Variants in NFATC2 observed in about 807,000 individuals in gnomAD.
NFATC2 encodes the protein nuclear factor of activated T-cells, cytoplasmic 2.
NFATC2 carries 22 observed loss-of-function variants against 87.3 expected under a neutral mutation model. The observed-to-expected ratio is 0.25, with a 90% CI of 0.18 to 0.36. NFATC2 has a LOEUF of 0.36. Ranked by LOEUF, NFATC2 falls within the 10% of genes least tolerant of loss-of-function variation. The pLI, the probability that NFATC2 is intolerant of heterozygous loss-of-function variation, is 1.00. For missense variants in NFATC2, 1,149 were observed against 1,259.1 expected (o/e 0.91, Z 1.32); for synonymous variants, 565 against 542.2 (o/e 1.04, Z -0.58).
At chr20:51,472,112 A>G (rs6021226) in intron 5 of NFATC2, among the ~76,000 whole-genome samples, 80,045 of 151,982 alleles carry the variant, frequency 0.53, 22,525 homozygotes, top group African/African-American at 0.73. Flanking sequence ...ACAATTAGCC[A>G]GGCGTGGTAG....
intron 5 of NFATC2, among the ~76,000 whole-genome samples, chr20:51,460,408 G>A (rs879194898): frequency 1.2e-4 from 18 of 152,158 alleles, no homozygotes; most frequent in Admixed American, 1.0e-3. Flanking sequence ...AGGTCATTAC[G>A]AGGATTAAAC....
At chr20:51,422,567 CTCTT>C (rs1981097228) in intron 9 of NFATC2, among the ~76,000 whole-genome samples, 1 of 51,462 alleles carries the variant, frequency 1.9e-5, no homozygotes, top group Non-Finnish European at 3.9e-5. Context: ...AAGAAAACCC[CTCTT>C]TTTTTTTTTT....
At chr20:51,430,682 C>T (rs1400358905) in intron 9 of NFATC2, among the ~76,000 whole-genome samples, 2 of 152,136 alleles carry the variant, frequency 1.3e-5, no homozygotes, top group Non-Finnish European at 2.9e-5. Flanking sequence ...AGTCACAGAG[C>T]CCCCAGATAA....
chr20:51,475,956 G>A (rs978549723), intron 3 of NFATC2, among the ~76,000 whole-genome samples: 2 of 152,180 alleles, frequency 1.3e-5, no homozygotes, highest in African/African-American at 4.8e-5. Context: ...GACTGAGGGT[G>A]GAAGGAGTGT....
intron 1 of NFATC2, among the ~76,000 whole-genome samples, chr20:51,531,772 C>A (rs990040967): frequency 4.6e-5 from 7 of 152,226 alleles, no homozygotes; most frequent in African/African-American, 1.4e-4. Flanking sequence ...ATTGAAAGAA[C>A]AATCTTTTCG....
rs1273842876 is a variant in NFATC2 at position 51,540,649 on chromosome 20, TTTTTTTTTG to T, written c.130+1712_130+1720del. Among the ~76,000 whole-genome samples, 17 of 127,930 alleles carry T rather than the reference TTTTTTTTTG, an allele frequency of 1.3e-4. 1 individual carries two copies. The highest frequency in any genetic ancestry group is 4.9e-4 in the African/African-American group (14 of 28,810). The allele number at this position is 127,930 out of a possible 152,430, so 83.9% of individuals were successfully genotyped here. ...CTGAAACTGTTCCAAAAACTGAAGT[TTTTTTTTTG>T]TTTTTTTTTTTTTGAGAAAACAGAT... On this transcript the variant is annotated intron_variant, in intron 1 of 10. Transcript: ENST00000371564.
At chr20:51,504,214 G>A (rs1475452659) in intron 3 of NFATC2, among the ~76,000 whole-genome samples, 1 of 152,174 alleles carries the variant, frequency 6.6e-6, no homozygotes, top group Middle Eastern at 3.2e-3. Flanking sequence ...TAGAGATGGG[G>A]TTTCTCCATG....
At chr20:51,511,372 G>A (rs1042894482) in intron 3 of NFATC2, among the ~76,000 whole-genome samples, 1 of 152,222 alleles carries the variant, frequency 6.6e-6, no homozygotes, top group Non-Finnish European at 1.5e-5. Context: ...GTCCTTGCAA[G>A]TGGGTGCTTG....
At chr20:51,451,648 T>G (rs774266437) in intron 6 of NFATC2, among the ~76,000 whole-genome samples, 7 of 152,238 alleles carry the variant, frequency 4.6e-5, no homozygotes, top group African/African-American at 7.2e-5. Context: ...CAAAGCTTCA[T>G]CTGTGTTGAC....
chr20:51,401,340 AAAT>A (rs1988021163), intron 9 of NFATC2, among the ~76,000 whole-genome samples: 1 of 151,652 alleles, frequency 6.6e-6, no homozygotes, highest in Non-Finnish European at 1.5e-5. Context: ...TGTCTCAAAA[AAAT>A]AAAAATAAAT....
Position 51,542,366 on chromosome 20 carries a change from C to A in NFATC2, c.130+4G>T. 1.2e-6 allele frequency: 2 copies of A among 1,605,060 alleles called. No homozygotes were observed. The highest frequency in any genetic ancestry group is 1.7e-6 in the Non-Finnish European group (2 of 1,175,574). ...GGGCCAGGCCAGGGGTAGCCTCCAC[C>A]GACCTTCGTTCGGATTCAAATACTC... On this transcript the variant is annotated splice_donor_region_variant and intron_variant, in intron 1 of 10. Transcript: ENST00000371564.
intron 10 of NFATC2, among the ~76,000 whole-genome samples, chr20:51,392,443 T>A (rs1986465949): frequency 6.6e-6 from 1 of 152,186 alleles, no homozygotes; most frequent in Non-Finnish European, 1.5e-5. Flanking sequence ...ATTACTAGAA[T>A]TAGGGCACTG....
At chr20:51,437,647 G>A (rs1453841749) in intron 6 of NFATC2, among the ~76,000 whole-genome samples, 1 of 152,010 alleles carries the variant, frequency 6.6e-6, no homozygotes, top group Non-Finnish European at 1.5e-5. Flanking sequence ...AACACGCAAT[G>A]AACACGCTAG....
chr20:51,562,748 C>A, upstream of NFATC2: 1 of 969,710 alleles, frequency 1.0e-6, no homozygotes, highest in Non-Finnish European at 1.5e-6. The surrounding 1 kb of genome is among the most constrained non-coding windows in gnomAD (Gnocchi z 5.8). Flanking sequence ...GGCCGAGGAG[C>A]CTCGGAGCGA....
intron 4 of NFATC2, among the ~76,000 whole-genome samples, chr20:51,474,971 A>T (rs368601792): frequency 0.072 from 10,095 of 141,032 alleles, 403 homozygotes; most frequent in Middle Eastern, 0.098. Flanking sequence ...TACTTTATTT[A>T]TTTTTTTTTT....
chr20:51,403,391 T>C (rs950696120), intron 9 of NFATC2, among the ~76,000 whole-genome samples: 3 of 152,214 alleles, frequency 2.0e-5, no homozygotes, highest in African/African-American at 7.2e-5. Flanking sequence ...ACTGTATTCA[T>C]GGGTGACACT....
chr20:51,545,979 A>G (rs1343528537), upstream of NFATC2, among the ~76,000 whole-genome samples: 4 of 152,198 alleles, frequency 2.6e-5, no homozygotes, highest in African/African-American at 9.6e-5. Context: ...GTTTTCTTTA[A>G]GGGTCCTCCA....
At chr20:51,462,996 G>A (rs1210514506) in intron 5 of NFATC2, among the ~76,000 whole-genome samples, 6 of 152,358 alleles carry the variant, frequency 3.9e-5, no homozygotes, top group East Asian at 1.9e-4. Flanking sequence ...ATTGGTCATC[G>A]TTCTGGCCCG....
chr20:51,435,907 A>G (rs967187346), intron 6 of NFATC2, 146 bp from the exon 7 acceptor site: 1 of 647,766 alleles, frequency 1.5e-6, no homozygotes, highest in East Asian at 2.7e-5. Flanking sequence ...GTGTGTGTAC[A>G]TATGTATTTA....
Sources: gnomAD v4.1 joint callset for allele counts (sites outside exome capture counted in the v4.1 genomes callset) on GRCh38, gnomAD v4.1.1 for gene constraint, Gnocchi (gnomAD v3.1) non-coding constraint, MANE v1.5 for transcripts, NCBI Gene and HGNC (gene_info 2026-07-23, HGNC 2026-07-21) for gene names.